The following DAB1 variants were observed in gnomAD, a reference collection of about 807,000 sequenced individuals.
DAB1 encodes the protein disabled homolog 1.
Under a neutral mutation model 64.6 loss-of-function variants are expected in DAB1, and 15 were observed. That is an observed-to-expected ratio of 0.23 (90% CI 0.16 to 0.36). The LOEUF is 0.36. Among genes scored for constraint, DAB1 ranks in the 10% least tolerant of loss-of-function variants. DAB1 has a pLI of 1.00. For synonymous variants in DAB1, 235 were observed against 251.9 expected, an observed-to-expected ratio of 0.93 and a Z score of 0.64; for missense variants, 596 against 706.7, an observed-to-expected ratio of 0.84 and a Z score of 1.78.
At chr1:58,268,841 A>G (rs1302857078) in intron 4 of DAB1, among the ~76,000 whole-genome samples, 2 of 152,208 alleles carry the variant, frequency 1.3e-5, no homozygotes, top group African/African-American at 2.4e-5. Flanking sequence ...TGGAGGTTTC[A>G]TACTTCTTGA....
At chr1:58,328,837 C>A (rs1444315861) in intron 4 of DAB1, among the ~76,000 whole-genome samples, 1 of 152,132 alleles carries the variant, frequency 6.6e-6, no homozygotes, top group Non-Finnish European at 1.5e-5. Context: ...AACTCCTGAC[C>A]TCGTGATCTG....
intron 5 of DAB1, among the ~76,000 whole-genome samples, chr1:57,902,532 C>A (rs1202842): frequency 0.17 from 26,531 of 152,126 alleles, 2,717 homozygotes; most frequent in Admixed American, 0.27. Context: ...CATTTAGGAT[C>A]AAATCAAGGG....
Position 58,199,084 on chromosome 1 carries a change from G to T in DAB1, n.310-48496C>A, listed in dbSNP as rs571571772. Among the ~76,000 whole-genome samples the T allele has an allele frequency of 9.2e-5, 14 of 152,284 alleles. No homozygotes were observed. In the South Asian group the frequency reaches 2.9e-3, roughly 32 times the overall value. On this transcript the variant is annotated intron_variant and non_coding_transcript_variant, in intron 4 of 20. Coordinates refer to the DAB1 transcript ENST00000485760. ...ATTGCACCACTGTATACCAGCCTGG[G>T]TGGCAGTCCAAGACTCAGTCTCAAA... is the stretch of plus-strand genomic sequence containing the variant.
At chr1:58,321,491 G>A (rs760437648) in intron 4 of DAB1, among the ~76,000 whole-genome samples, 10 of 152,226 alleles carry the variant, frequency 6.6e-5, no homozygotes, top group Non-Finnish European at 1.2e-4. Context: ...GGGGTCGGGA[G>A]ATTTCCTTTT....
At chr1:58,114,091 C>CAAAAAAAAA (rs530606878) in intron 5 of DAB1, among the ~76,000 whole-genome samples, 1 of 109,980 alleles carries the variant, frequency 9.1e-6, no homozygotes. Flanking sequence ...TACTAAAATA[C>CAAAAAAAAA]AAAAAAAAAA....
chr1:57,246,591 G>A (rs1668896305), intron 2 of DAB1, among the ~76,000 whole-genome samples: 1 of 152,230 alleles, frequency 6.6e-6, no homozygotes, highest in Non-Finnish European at 1.5e-5. Flanking sequence ...AGTCCTCAAT[G>A]AGACAATGCC....
intron 3 of DAB1, among the ~76,000 whole-genome samples, chr1:58,488,721 ATT>A (rs1645620465): frequency 6.6e-6 from 1 of 152,158 alleles, no homozygotes; most frequent in African/African-American, 2.4e-5. Context: ...AAGTGCTGGG[ATT>A]ACAGGCGTGA....
At chr1:57,375,220 C>G (rs1226935280) in intron 1 of DAB1, among the ~76,000 whole-genome samples, 1 of 152,156 alleles carries the variant, frequency 6.6e-6, no homozygotes, top group East Asian at 1.9e-4. Flanking sequence ...CACAGCTAAG[C>G]ACACTCATTG....
chr1:57,693,847 T>C (rs1453996957), intron 6 of DAB1, among the ~76,000 whole-genome samples: 1 of 152,192 alleles, frequency 6.6e-6, no homozygotes, highest in African/African-American at 2.4e-5. Context: ...CGCAGCTTCA[T>C]TCTTGAAGTC....
chr1:57,223,792 C>A (rs1239257967), intron 2 of DAB1, among the ~76,000 whole-genome samples: 1 of 152,174 alleles, frequency 6.6e-6, no homozygotes, highest in African/African-American at 2.4e-5. Flanking sequence ...TCATGACCCA[C>A]CAATGGGCAG....
intron 5 of DAB1, among the ~76,000 whole-genome samples, chr1:58,148,777 C>A (rs1654755709): frequency 1.3e-5 from 1 of 74,192 alleles, no homozygotes; most frequent in East Asian, 5.3e-4. Context: ...GAAATCACAC[C>A]CCCCCCCCAA....
At chr1:57,026,432 T>C (rs995360417) in intron 9 of DAB1, among the ~76,000 whole-genome samples, 3 of 152,172 alleles carry the variant, frequency 2.0e-5, no homozygotes, top group Non-Finnish European at 4.4e-5. Context: ...ACATACAACT[T>C]GCCTTCCATG....
intron 7 of DAB1, among the ~76,000 whole-genome samples, chr1:57,532,340 A>G (rs888244627): frequency 2.0e-5 from 3 of 151,698 alleles, no homozygotes; most frequent in Non-Finnish European, 4.4e-5. Flanking sequence ...TCATTCATTC[A>G]TTTATTCTTC....
chr1:57,903,547 C>A (rs1644506999), intron 5 of DAB1, among the ~76,000 whole-genome samples: 1 of 152,188 alleles, frequency 6.6e-6, no homozygotes, highest in African/African-American at 2.4e-5. Flanking sequence ...TGAGGCCTCA[C>A]TTCTGGAGCC....
chr1:57,873,775 T>C (rs1447118469), intron 1 of DAB1, among the ~76,000 whole-genome samples: 3 of 152,124 alleles, frequency 2.0e-5, no homozygotes, highest in Non-Finnish European at 4.4e-5. Context: ...TATAGGATTA[T>C]TGTATAGATG....
At chr1:58,410,344 T>C (rs1644656550) in intron 3 of DAB1, among the ~76,000 whole-genome samples, 1 of 152,230 alleles carries the variant, frequency 6.6e-6, no homozygotes, top group Non-Finnish European at 1.5e-5. Context: ...AGACAGAATT[T>C]ACGATTCTAG....
chr1:57,003,232 T>G (rs534521146), intron 14 of DAB1, among the ~76,000 whole-genome samples: 12 of 152,346 alleles, frequency 7.9e-5, no homozygotes, highest in African/African-American at 2.6e-4. Context: ...CCACATGTCC[T>G]TTAACTATCT....
At chr1:57,719,113 A>C (rs1191605365) in intron 6 of DAB1, among the ~76,000 whole-genome samples, 1 of 152,222 alleles carries the variant, frequency 6.6e-6, no homozygotes, top group African/African-American at 2.4e-5. Flanking sequence ...AGGGACAACT[A>C]TTATCCATTA....
chr1:57,642,051 C>A (rs1646136726), intron 7 of DAB1, among the ~76,000 whole-genome samples: 1 of 152,132 alleles, frequency 6.6e-6, no homozygotes, highest in African/African-American at 2.4e-5. Context: ...AGCTTTCTCA[C>A]ATGTCCAGGG....
Sources: gnomAD v4.1 joint callset for allele counts (sites outside exome capture counted in the v4.1 genomes callset) on GRCh38, gnomAD v4.1.1 for gene constraint, MANE v1.5 for transcripts, NCBI Gene and HGNC (gene_info 2026-07-23, HGNC 2026-07-21) for gene names.